Variants in DCDC2 observed in about 807,000 individuals in gnomAD.
DCDC2 encodes the protein doublecortin domain-containing protein 2.
Under a neutral mutation model 50.2 loss-of-function variants are expected in DCDC2, and 40 were observed. That is an observed-to-expected ratio of 0.80 (90% confidence interval 0.62 to 1.04). The LOEUF (loss-of-function observed/expected upper bound fraction) is 1.04, where lower values mean the gene tolerates loss of function less well. Ranked by LOEUF, DCDC2 falls within the 50% of genes least tolerant of loss-of-function variation. DCDC2 has a pLI of 0.00. For missense variants in DCDC2, 570 were observed against 581.9 expected (o/e 0.98, Z 0.21); for synonymous variants, 234 against 210.6 (o/e 1.11, Z -0.96).
At chr6:24,264,878 C>G (rs1006291827) in intron 7 of DCDC2, among the ~76,000 whole-genome samples, 1 of 150,054 alleles carries the variant, frequency 6.7e-6, no homozygotes, top group African/African-American at 2.4e-5. Context: ...ACAAGAAACA[C>G]ACTTCACCTA....
intron 4 of DCDC2, among the ~76,000 whole-genome samples, chr6:24,295,583 G>A (rs954602965): frequency 3.9e-5 from 6 of 151,944 alleles, no homozygotes; most frequent in Non-Finnish European, 8.8e-5. Context: ...TCACAGTCTC[G>A]GCCCAAAAGC....
At chr6:24,345,220 C>T (rs184334519) in intron 2 of DCDC2, among the ~76,000 whole-genome samples, 1 of 152,094 alleles carries the variant, frequency 6.6e-6, no homozygotes, top group African/African-American at 2.4e-5. Context: ...TAATTAATGC[C>T]TGGAATCCCA....
At chr6:24,323,663 CTCTCCCTGTCT>C (rs1759809986) in intron 2 of DCDC2, among the ~76,000 whole-genome samples, 1 of 152,062 alleles carries the variant, frequency 6.6e-6, no homozygotes, top group South Asian at 2.1e-4. Flanking sequence ...GTCTTCATCT[CTCTCCCTGTCT>C]TCTCCCAATA....
chr6:24,236,215 A>G (rs1329756851), intron 7 of DCDC2, among the ~76,000 whole-genome samples: 2 of 152,218 alleles, frequency 1.3e-5, no homozygotes, highest in East Asian at 3.8e-4. Flanking sequence ...AGTAACCCAA[A>G]CAGCATGGCA....
intron 7 of DCDC2, among the ~76,000 whole-genome samples, chr6:24,227,239 T>A (rs936934166): frequency 1.3e-5 from 2 of 152,200 alleles, no homozygotes; most frequent in African/African-American, 2.4e-5. Flanking sequence ...CTGGATGAGA[T>A]GCCAGTTTTG....
upstream of DCDC2, among the ~76,000 whole-genome samples, chr6:24,359,488 A>ATTATATATTATATATATTTTATATATT (rs71002485): frequency 2.5e-5 from 2 of 79,152 alleles, 1 homozygote; most frequent in Non-Finnish European, 4.4e-5. Context: ...TTTTATATAT[A>ATTATATATTATATATATTTTATATATT]ATATATTATA....
At chr6:24,178,767 G>C (rs1158784761) in intron 8 of DCDC2, 135 bp from the exon 9 acceptor site, 1 of 874,122 alleles carries the variant, frequency 1.1e-6, no homozygotes, top group East Asian at 2.6e-5. Flanking sequence ...TTACAGTATA[G>C]AACGCACTTA....
intron 7 of DCDC2, among the ~76,000 whole-genome samples, chr6:24,233,334 G>T (rs1561900335): frequency 1.3e-5 from 2 of 152,130 alleles, no homozygotes; most frequent in African/African-American, 4.8e-5. Flanking sequence ...ATGTGGCGTG[G>T]TTACTTTTTA....
chr6:24,366,839 A>G, the DCDC2 span, among the ~76,000 whole-genome samples: 1 of 140,114 alleles, frequency 7.1e-6, no homozygotes, highest in Admixed American at 7.5e-5. Context: ...TTTTTTTATA[A>G]AATCTAAATC....
intron 6 of DCDC2, among the ~76,000 whole-genome samples, chr6:24,280,934 G>T (rs1015894821): frequency 1.3e-5 from 2 of 152,144 alleles, no homozygotes; most frequent in African/African-American, 4.8e-5. Context: ...TGTTGAACTT[G>T]CAAGGACTGG....
At chr6:24,288,496 G>A (rs17302729) in intron 6 of DCDC2, among the ~76,000 whole-genome samples, 20,754 of 152,136 alleles carry the variant, frequency 0.14, 1,448 homozygotes, top group East Asian at 0.17. Context: ...TTTTCTCAGC[G>A]AAACTTCCCT....
At position 24,349,907 on chromosome 6, in the gene DCDC2, C is replaced by T. The variant is rs1194367570; in HGVS notation, c.348+3662G>A. Among the ~76,000 whole-genome samples, 3 of 152,106 alleles carry T rather than the reference C, an allele frequency of 2.0e-5. No homozygotes were observed. The South Asian group carries it at 6.2e-4, about 32-fold the overall frequency. On this transcript the variant is annotated intron_variant, in intron 2 of 9. Coordinates refer to ENST00000378454, the MANE Select transcript of DCDC2 (RefSeq NM_016356.5). ...TAGGCTGCTCTGAGCCCATATGGTG[C>T]CCTGACTCTGAGGTGGGTGCAAACA...
intron 2 of DCDC2, among the ~76,000 whole-genome samples, chr6:24,344,014 G>T (rs1299178): frequency 1 from 151,748 of 152,288 alleles, 75,606 homozygotes; most frequent in Non-Finnish European, 1. Flanking sequence ...CAAATATACG[G>T]TATTATTAAT....
chr6:24,372,494 T>C, the DCDC2 span, among the ~76,000 whole-genome samples: 29 of 151,622 alleles, frequency 1.9e-4, no homozygotes, highest in Admixed American at 3.9e-4. Context: ...CTATTCACAA[T>C]AGCAAAGACT....
rs79657299 is a variant in DCDC2 at position 24,259,945 on chromosome 6, C to A, written c.922+18104G>T. On this transcript the variant is annotated intron_variant, in intron 7 of 9. Coordinates refer to ENST00000378454, the MANE Select transcript of DCDC2 (RefSeq NM_016356.5). Reference sequence around the variant, plus strand: ...CTCCTCTCAGTACTCACCATGTTGACAATAAAATTCAGTGGAGCTTAGGAG... The same window carrying A: ...CTCCTCTCAGTACTCACCATGTTGAAAATAAAATTCAGTGGAGCTTAGGAG... 3.7e-3 allele frequency among the ~76,000 whole-genome samples: 561 copies of A among 152,268 alleles called. 2 individuals are homozygous for A. The highest frequency in any genetic ancestry group is 0.013 in the African/African-American group (525 of 41,546).
At chr6:24,302,157 G>C (rs1294719761) in intron 2 of DCDC2, 113 bp from the exon 3 acceptor site, 1 of 870,432 alleles carries the variant, frequency 1.1e-6, no homozygotes, top group Non-Finnish European at 1.7e-6. Context: ...CTGTGCCTTT[G>C]TTAAAACCTT....
At chr6:24,332,308 T>G (rs1365085122) in intron 2 of DCDC2, among the ~76,000 whole-genome samples, 3 of 152,180 alleles carry the variant, frequency 2.0e-5, no homozygotes, top group Admixed American at 1.3e-4. Context: ...CCAAGCATCT[T>G]TTCCTCGCAG....
the DCDC2 span, among the ~76,000 whole-genome samples, chr6:24,371,288 AAAAAAGAAAAGAAAAG>A: frequency 5.7e-5 from 8 of 140,916 alleles, no homozygotes; most frequent in Non-Finnish European, 1.2e-4. Context: ...AAAAAAAAAA[AAAAAAGAAAAGAAAAG>A]AAAAAAAAGA....
At chr6:24,244,032 A>G (rs926162456) in intron 7 of DCDC2, among the ~76,000 whole-genome samples, 2 of 152,242 alleles carry the variant, frequency 1.3e-5, no homozygotes, top group African/African-American at 4.8e-5. Flanking sequence ...AGTAGCATCC[A>G]GCTAAAGACT....
Sources: gnomAD v4.1 joint callset for allele counts (sites outside exome capture counted in the v4.1 genomes callset) on GRCh38, gnomAD v4.1.1 for gene constraint, MANE v1.5 for transcripts, NCBI Gene and HGNC (gene_info 2026-07-23, HGNC 2026-07-21) for gene names.